Variants in PRKCE observed in about 807,000 individuals in gnomAD.
PRKCE encodes protein kinase C epsilon.
A neutral mutation model predicts 85.4 loss-of-function variants in PRKCE; 16 were observed. The ratio of observed to expected loss-of-function variants is 0.19; its 90% CI spans 0.13 to 0.28. The LOEUF is 0.28. PRKCE is among the 10% of genes least tolerant of loss of function. PRKCE has a pLI of 1.00. For synonymous variants in PRKCE, 388 were observed against 371.5 expected (o/e 1.04, Z -0.51); for missense variants, 573 against 975.2 (o/e 0.59, Z 5.49).
chr2:45,675,177 C>G (rs537346357), intron 1 of PRKCE: 3 of 152,166 alleles, frequency 2.0e-5, no homozygotes, highest in Non-Finnish European at 4.4e-5. Flanking sequence ...AGTTACAAAA[C>G]AAAATAGCAC....
At chr2:46,112,093 T>G (rs1187698290) in intron 11 of PRKCE, among the ~76,000 whole-genome samples, 2 of 152,226 alleles carry the variant, frequency 1.3e-5, no homozygotes, top group Admixed American at 6.5e-5. Context: ...TATACCTGTT[T>G]AGGATATTTA....
intron 10 of PRKCE, chr2:46,078,402 T>A (rs1470660387): frequency 6.7e-6 from 1 of 148,932 alleles, no homozygotes; most frequent in Non-Finnish European, 1.5e-5. Context: ...TAGCTGGACA[T>A]GGTGGCACAT....
At chr2:46,033,815 A>T (rs1707691347) in intron 10 of PRKCE, among the ~76,000 whole-genome samples, 1 of 152,180 alleles carries the variant, frequency 6.6e-6, no homozygotes, top group Non-Finnish European at 1.5e-5. Context: ...GCAACTGGGC[A>T]TGGGAGGTGG....
chr2:45,873,690 C>T (rs1694263617), intron 2 of PRKCE, among the ~76,000 whole-genome samples: 1 of 152,196 alleles, frequency 6.6e-6, no homozygotes, highest in Non-Finnish European at 1.5e-5. Context: ...CTCACTCCTC[C>T]CGGAGATCTT....
chr2:46,060,759 G>GT (rs1232149411), intron 10 of PRKCE, among the ~76,000 whole-genome samples: 8 of 101,352 alleles, frequency 7.9e-5, no homozygotes, highest in Admixed American at 3.9e-4. Flanking sequence ...TTTTTTTTTT[G>GT]TTTTTTTGTT....
chr2:45,823,401 G>A (rs981984902), intron 1 of PRKCE, among the ~76,000 whole-genome samples: 1 of 152,216 alleles, frequency 6.6e-6, no homozygotes, highest in Non-Finnish European at 1.5e-5. Flanking sequence ...TTCGCAGACA[G>A]GCTATTGAAA....
intron 2 of PRKCE, among the ~76,000 whole-genome samples, chr2:45,929,382 C>G (rs1308446491): frequency 6.6e-6 from 1 of 152,228 alleles, no homozygotes; most frequent in African/African-American, 2.4e-5. Flanking sequence ...TAATTTTACT[C>G]TTGTGCGTAC....
chr2:46,055,272 C>T lies in PRKCE; in HGVS notation c.1438-30936C>T, dbSNP rs538157640. On this transcript the variant is annotated intron_variant, in intron 10 of 14. Coordinates refer to ENST00000306156, the MANE Select transcript of PRKCE (RefSeq NM_005400.3). ...CCTCACAGAGATTTGCTCCTGCTGG[C>T]GACCAAAAGTGCTCGCCCTGGCTCC... Among the ~76,000 whole-genome samples the T allele has an allele frequency of 5.3e-5, 8 of 152,342 alleles. No individual in the cohort carries two copies. In the South Asian group the frequency reaches 6.2e-4, roughly 12 times the overall value.
intron 11 of PRKCE, among the ~76,000 whole-genome samples, chr2:46,087,227 A>G (rs1259433985): frequency 5.3e-5 from 8 of 151,692 alleles, no homozygotes; most frequent in Admixed American, 4.6e-4. Context: ...GAAACCAAGT[A>G]TGGACATCAT....
intron 1 of PRKCE, among the ~76,000 whole-genome samples, chr2:45,743,993 T>G (rs1200695676): frequency 1.7e-4 from 12 of 70,316 alleles, no homozygotes; most frequent in African/African-American, 5.8e-4. Flanking sequence ...GGCCGTTGTG[T>G]GTTTTTTTTT....
chr2:46,135,745 G>GTTTTTTTTTT (rs1558491144), intron 11 of PRKCE, among the ~76,000 whole-genome samples: 3 of 14,902 alleles, frequency 2.0e-4, no homozygotes, highest in African/African-American at 5.4e-4. Flanking sequence ...AACAAATTAT[G>GTTTTTTTTTT]CTTTTTTTTT....
In PRKCE at chr2:46,108,244, C is replaced by T. The variant is rs553236160; in HGVS notation, c.1592+21882C>T. ...GAGTTTTATGAGTTCTGTGTATATTCTGAATACAAATCCTTTATCAGATAA... is the reference window on the plus strand; with the variant it reads ...GAGTTTTATGAGTTCTGTGTATATTTTGAATACAAATCCTTTATCAGATAA... On this transcript the variant is annotated intron_variant, in intron 11 of 14. Transcript: ENST00000306156. Among the ~76,000 whole-genome samples the T allele has an allele frequency of 2.0e-5, 3 of 152,288 alleles. No individual in the cohort carries two copies. The South Asian group carries it at 6.2e-4, about 32-fold the overall frequency.
At chr2:45,656,475 A>C (rs1675386231) in intron 1 of PRKCE, among the ~76,000 whole-genome samples, 1 of 152,264 alleles carries the variant, frequency 6.6e-6, no homozygotes, top group Non-Finnish European at 1.5e-5. Flanking sequence ...CTTTAGAGAA[A>C]GCTCATTACA....
At chr2:45,926,903 G>T (rs1419598994) in intron 2 of PRKCE, among the ~76,000 whole-genome samples, 1 of 151,770 alleles carries the variant, frequency 6.6e-6, no homozygotes, top group Non-Finnish European at 1.5e-5. Flanking sequence ...ATGTGTATAT[G>T]AACATGTGTG....
intron 10 of PRKCE, among the ~76,000 whole-genome samples, chr2:46,020,044 T>A (rs1336665093): frequency 6.6e-6 from 1 of 152,040 alleles, no homozygotes; most frequent in South Asian, 2.1e-4. Flanking sequence ...GAAATGGGGT[T>A]TTACCATGTT....
At chr2:46,017,162 CT>C (rs1706237692) in intron 10 of PRKCE, among the ~76,000 whole-genome samples, 1 of 152,092 alleles carries the variant, frequency 6.6e-6, no homozygotes, top group African/African-American at 2.4e-5. Context: ...ATCTCCATGC[CT>C]CTTTTCACCT....
Position 45,917,706 on chromosome 2 carries a change from C to T in PRKCE, c.413-58723C>T, listed in dbSNP as rs561837541. On this transcript the variant is annotated intron_variant, in intron 2 of 14. Coordinates refer to ENST00000306156, the MANE Select transcript of PRKCE (RefSeq NM_005400.3). The stretch of plus-strand genomic sequence containing the variant: ...CCCTTGGGTGGTCGATGGGACTGGG[C>T]GCCGTGGAGCAGGGGGCGGCGCTCG... Among the ~76,000 whole-genome samples the T allele has an allele frequency of 1.8e-4, 27 of 152,340 alleles. No homozygotes were observed. In the East Asian group the frequency reaches 5.2e-3, roughly 29 times the overall value.
At chr2:46,062,742 C>T (rs1667266971) in intron 10 of PRKCE, among the ~76,000 whole-genome samples, 1 of 133,294 alleles carries the variant, frequency 7.5e-6, no homozygotes, top group Admixed American at 8.3e-5. Context: ...GGCACCATCT[C>T]AGCTCACTGC....
intron 10 of PRKCE, among the ~76,000 whole-genome samples, chr2:46,044,870 C>T (rs1708424276): frequency 6.6e-6 from 1 of 152,220 alleles, no homozygotes; most frequent in South Asian, 2.1e-4. Context: ...GCAGGAGAAT[C>T]TGTCACAGGG....
Sources: allele counts gnomAD v4.1 joint callset (sites outside exome capture counted in the v4.1 genomes callset), GRCh38; gene constraint gnomAD v4.1.1; transcripts MANE v1.5; gene names NCBI Gene and HGNC (gene_info 2026-07-23, HGNC 2026-07-21).